The following SLC35F1 variants were observed in gnomAD, a reference collection of about 807,000 sequenced individuals.
SLC35F1 encodes the protein chromosome 6 open reading frame 169.
In SLC35F1, 14 loss-of-function variants were observed where a neutral mutation model predicts 48.7. That is an observed-to-expected ratio of 0.29 (90% confidence interval 0.19 to 0.45). The LOEUF (loss-of-function observed/expected upper bound fraction) is 0.45, where lower values mean the gene tolerates loss of function less well. SLC35F1 is among the 20% of genes least tolerant of loss of function. The pLI is 1.00. For synonymous variants in SLC35F1, 190 were observed against 202.2 expected (o/e 0.94, Z 0.51); for missense variants, 404 against 500.0 (o/e 0.81, Z 1.83).
intron 1 of SLC35F1, among the ~76,000 whole-genome samples, chr6:117,995,999 G>C (rs1449308419): frequency 6.6e-6 from 1 of 152,122 alleles, no homozygotes; most frequent in Non-Finnish European, 1.5e-5. Flanking sequence ...ATTCATTAAT[G>C]CCATTTCCCA....
In SLC35F1 at chr6:118,116,714, T is replaced by C. The variant is rs904367713; in HGVS notation, c.174-37731T>C. On this transcript the variant is annotated intron_variant, in intron 1 of 7. Transcript: ENST00000360388. Reference sequence around the variant, plus strand: ...CTTTATTCTTATTTTATTTCTTTTCTTTGTGGCCAACTTCTCAAACTTGCT... The same window carrying C: ...CTTTATTCTTATTTTATTTCTTTTCCTTGTGGCCAACTTCTCAAACTTGCT... 3.3e-5 allele frequency among the ~76,000 whole-genome samples: 5 copies of C among 152,236 alleles called. No homozygotes were observed. The East Asian group carries it at 9.6e-4, about 29-fold the overall frequency.
chr6:118,219,988 A>G (rs992766446), intron 2 of SLC35F1, among the ~76,000 whole-genome samples: 4 of 151,964 alleles, frequency 2.6e-5, no homozygotes, highest in African/African-American at 9.6e-5. Flanking sequence ...TGGACACAAG[A>G]TGGGGAACAT....
intron 4 of SLC35F1, among the ~76,000 whole-genome samples, chr6:118,272,877 A>G (rs1217221319): frequency 6.6e-6 from 1 of 150,424 alleles, no homozygotes; most frequent in East Asian, 1.9e-4. Context: ...TAGGCACAAA[A>G]TATTAGTCTT....
chr6:117,979,717 G>A (rs1416414), intron 1 of SLC35F1, among the ~76,000 whole-genome samples: 151,408 of 152,280 alleles, frequency 0.99, 75,275 homozygotes, highest in Middle Eastern at 1. Flanking sequence ...CCAAAGTCAT[G>A]TAAGAGGGTC....
At chr6:118,182,325 AT>A (rs555774982) in intron 2 of SLC35F1, among the ~76,000 whole-genome samples, 147 of 145,868 alleles carry the variant, frequency 1.0e-3, no homozygotes, top group African/African-American at 1.2e-3. Context: ...AAAAAGAAAA[AT>A]TTTTTTTTTT....
chr6:117,997,304 T>G (rs1777009067), intron 1 of SLC35F1, among the ~76,000 whole-genome samples: 1 of 152,226 alleles, frequency 6.6e-6, no homozygotes, highest in Non-Finnish European at 1.5e-5. Context: ...CTGATTGGTG[T>G]ACCTGAAAGT....
chr6:117,926,697 C>G (rs1213363113), intron 1 of SLC35F1, among the ~76,000 whole-genome samples: 1 of 152,040 alleles, frequency 6.6e-6, no homozygotes, highest in African/African-American at 2.4e-5. Flanking sequence ...ATGTCAGAGG[C>G]TGGAGGAGTA....
intron 2 of SLC35F1, among the ~76,000 whole-genome samples, chr6:118,179,240 T>C (rs1774537032): frequency 6.6e-6 from 1 of 152,126 alleles, no homozygotes; most frequent in Non-Finnish European, 1.5e-5. Flanking sequence ...AGGAGTCGCA[T>C]GATCTGCCAT....
Position 118,016,559 on chromosome 6 carries a change from C to CAATATGCCTTTTCAGA in SLC35F1, c.173+108661_173+108662insATATGCCTTTTCAGAA, listed in dbSNP as rs559852445. Among the ~76,000 whole-genome samples, 781 of 152,226 alleles carry CAATATGCCTTTTCAGA rather than the reference C, an allele frequency of 5.1e-3. 3 individuals are homozygous for CAATATGCCTTTTCAGA. Among genetic ancestry groups the CAATATGCCTTTTCAGA allele is most frequent in the African/African-American group, 0.018 (745 of 41,550 alleles). On this transcript the variant is annotated intron_variant, in intron 1 of 7. Coordinates refer to ENST00000360388, the MANE Select transcript of SLC35F1 (RefSeq NM_001029858.4). ...CATTTCTTTTAAAAGGCATAGAATT[C>CAATATGCCTTTTCAGA]ATTTCTGAAATCAATATTTTAGGGT... is the stretch of plus-strand genomic sequence containing the variant.
chr6:118,074,999 T>C (rs1772796774), intron 1 of SLC35F1, among the ~76,000 whole-genome samples: 1 of 152,224 alleles, frequency 6.6e-6, no homozygotes, highest in Non-Finnish European at 1.5e-5. Flanking sequence ...TCAATTTTGC[T>C]ACACAAGTGC....
At chr6:118,267,242 G>C in intron 4 of SLC35F1, 88 bp downstream of exon 4, 1 of 1,473,924 alleles carries the variant, frequency 6.8e-7, no homozygotes, top group Non-Finnish European at 9.4e-7. Context: ...GTGAAAACAA[G>C]GACCTTAGGA....
intron 1 of SLC35F1, among the ~76,000 whole-genome samples, chr6:118,141,102 T>A (rs1303582626): frequency 7.2e-5 from 11 of 152,190 alleles, no homozygotes; most frequent in Non-Finnish European, 1.5e-5. Context: ...AGTAGTGTCC[T>A]AGGCCCTCAC....
At chr6:118,266,113 G>T (rs1775770327) in intron 3 of SLC35F1, among the ~76,000 whole-genome samples, 1 of 152,172 alleles carries the variant, frequency 6.6e-6, no homozygotes, top group South Asian at 2.1e-4. Context: ...TTTACTAACA[G>T]AAATTTGAGG....
chr6:117,911,848 C>T (rs1213297360), intron 1 of SLC35F1, among the ~76,000 whole-genome samples: 2 of 152,152 alleles, frequency 1.3e-5, no homozygotes, highest in Non-Finnish European at 2.9e-5. Context: ...ATGACCCTCT[C>T]AAAGAAACTG....
At chr6:118,002,530 G>A (rs1363263594) in intron 1 of SLC35F1, among the ~76,000 whole-genome samples, 3 of 151,624 alleles carry the variant, frequency 2.0e-5, no homozygotes, top group Admixed American at 1.3e-4. Flanking sequence ...CAGCACACCA[G>A]CATGGCACAT....
intron 1 of SLC35F1, among the ~76,000 whole-genome samples, chr6:117,949,875 G>A (rs117130384): frequency 0.038 from 5,812 of 152,192 alleles, 142 homozygotes; most frequent in Non-Finnish European, 0.058. Context: ...TTGGGGGGTG[G>A]TCTACGCACT....
intron 1 of SLC35F1, among the ~76,000 whole-genome samples, chr6:118,126,522 C>A (rs6569002): frequency 6.6e-6 from 1 of 151,142 alleles, no homozygotes; most frequent in Non-Finnish European, 1.5e-5. Flanking sequence ...GTGAAGAAAG[C>A]CATTGGTAGC....
intron 2 of SLC35F1, among the ~76,000 whole-genome samples, chr6:118,211,112 G>A (rs990510417): frequency 6.6e-6 from 1 of 152,146 alleles, no homozygotes; most frequent in African/African-American, 2.4e-5. Context: ...AAGAAGAGAG[G>A]CTCAGAAGAA....
At chr6:118,227,371 G>A (rs1775232346) in intron 2 of SLC35F1, among the ~76,000 whole-genome samples, 1 of 152,194 alleles carries the variant, frequency 6.6e-6, no homozygotes, top group South Asian at 2.1e-4. Flanking sequence ...GGATTTTGGG[G>A]TATAAATATG....
Sources: gnomAD v4.1 joint callset for allele counts (sites outside exome capture counted in the v4.1 genomes callset) on GRCh38, gnomAD v4.1.1 for gene constraint, MANE v1.5 for transcripts, NCBI Gene and HGNC (gene_info 2026-07-23, HGNC 2026-07-21) for gene names.